METTL8: variants seen among roughly 807,000 people sequenced by gnomAD.
METTL8 encodes the protein tRNA N(3)-cytidine methyltransferase METTL8, mitochondrial.
In METTL8, 32 loss-of-function variants were observed where a neutral mutation model predicts 48.7. That is an observed-to-expected ratio of 0.66 (90% CI 0.50 to 0.88). The LOEUF (loss-of-function observed/expected upper bound fraction) is 0.88. METTL8 is among the 40% of genes least tolerant of loss of function. The pLI is 0.00. For missense variants in METTL8, 464 were observed against 474.4 expected (o/e 0.98, Z 0.20); for synonymous variants, 136 against 157.1 (o/e 0.87, Z 1.01).
chr2:171,336,930 C>A (rs186614684), intron 5 of METTL8, among the ~76,000 whole-genome samples: 1 of 129,456 alleles, frequency 7.7e-6, no homozygotes, highest in Admixed American at 9.4e-5. Flanking sequence ...AGTGCAATGG[C>A]GCAGTCGGGT....
intron 1 of METTL8, among the ~76,000 whole-genome samples, chr2:171,404,599 A>G (rs1559184769): frequency 6.6e-6 from 1 of 152,150 alleles, no homozygotes; most frequent in Non-Finnish European, 1.5e-5. Context: ...TTTTCAGACT[A>G]TGGTTGACAG....
chr2:171,411,518 A>T (rs1690746073), intron 1 of METTL8, among the ~76,000 whole-genome samples: 1 of 152,238 alleles, frequency 6.6e-6, no homozygotes, highest in East Asian at 1.9e-4. Context: ...AACGAGTTAG[A>T]ATACATATAT....
intron 2 of METTL8, among the ~76,000 whole-genome samples, chr2:171,382,467 C>T (rs930739252): frequency 5.3e-5 from 8 of 152,138 alleles, no homozygotes; most frequent in African/African-American, 1.7e-4. Flanking sequence ...GAAAACCAAA[C>T]ACTGCATGTT....
intron 1 of METTL8, among the ~76,000 whole-genome samples, chr2:171,398,918 G>A (rs775569787): frequency 2.0e-5 from 3 of 152,276 alleles, no homozygotes; most frequent in East Asian, 1.9e-4. Flanking sequence ...AATGGATGAA[G>A]TATGAAGAAG....
intron 3 of METTL8, among the ~76,000 whole-genome samples, chr2:171,349,295 G>C (rs529258595): frequency 6.6e-6 from 1 of 152,264 alleles, no homozygotes; most frequent in African/African-American, 2.4e-5. Context: ...GTAGGATTAA[G>C]AGGCAATTGT....
At chr2:171,430,187 G>A (rs982681947) in intron 1 of METTL8, among the ~76,000 whole-genome samples, 31 of 151,910 alleles carry the variant, frequency 2.0e-4, no homozygotes, top group Admixed American at 5.2e-4. Flanking sequence ...GTGAAACCCC[G>A]TCTCTACTAA....
At chr2:171,379,610 G>C (rs1051658754) in intron 2 of METTL8, among the ~76,000 whole-genome samples, 12 of 152,158 alleles carry the variant, frequency 7.9e-5, no homozygotes, top group Non-Finnish European at 1.2e-4. Context: ...TACCATCAGA[G>C]AGTACTATAA....
intron 6 of METTL8, among the ~76,000 whole-genome samples, chr2:171,331,034 C>A (rs755632233): frequency 6.6e-6 from 1 of 152,122 alleles, no homozygotes; most frequent in Non-Finnish European, 1.5e-5. Context: ...GTTTGGACTA[C>A]GATTATTCAT....
chr2:171,324,013 A>G lies in METTL8; in HGVS notation c.*159T>C, dbSNP rs745401155. 2.8e-5 allele frequency: 17 copies of G among 604,710 alleles called. No individual in the cohort carries two copies. The highest frequency in any genetic ancestry group is 4.8e-5 in the Non-Finnish European group (17 of 352,470). The allele number at this position is 604,710 out of a possible 1,614,324, so 37.5% of individuals were successfully genotyped here. ...AAAGGCATACTGTGCTGAACCACTT[A>G]CATGTGCTTAAAATGCACAAAGGAG... On this transcript the variant is annotated 3_prime_UTR_variant, in exon 10 of 10. Coordinates refer to ENST00000375258, the MANE Select transcript of METTL8 (RefSeq NM_001321154.2).
At chr2:171,375,830 T>A (rs1303909074) in intron 2 of METTL8, among the ~76,000 whole-genome samples, 1 of 152,232 alleles carries the variant, frequency 6.6e-6, no homozygotes, top group Non-Finnish European at 1.5e-5. Context: ...TGATTCTGTT[T>A]ATACAAAATA....
intron 2 of METTL8, among the ~76,000 whole-genome samples, chr2:171,366,908 A>C (rs1239598842): frequency 2.0e-5 from 3 of 151,020 alleles, no homozygotes; most frequent in Non-Finnish European, 1.5e-5. Flanking sequence ...AAAAAAAAAA[A>C]CTGGGAGGGT....
At chr2:171,379,417 A>G (rs953351910) in intron 2 of METTL8, among the ~76,000 whole-genome samples, 1 of 152,062 alleles carries the variant, frequency 6.6e-6, no homozygotes, top group African/African-American at 2.4e-5. Context: ...CCAGAGCAGA[A>G]CTGAAGGAGA....
At chr2:171,405,747 A>G (rs960284656) in intron 1 of METTL8, among the ~76,000 whole-genome samples, 1 of 152,204 alleles carries the variant, frequency 6.6e-6, no homozygotes, top group African/African-American at 2.4e-5. Context: ...AGAAAGGGGA[A>G]ATAAGTACAC....
At chr2:171,347,785 C>T (rs185950054) in intron 3 of METTL8, among the ~76,000 whole-genome samples, 26 of 152,306 alleles carry the variant, frequency 1.7e-4, no homozygotes, top group African/African-American at 5.5e-4. Context: ...GCAATATTGG[C>T]TGATTTGTAA....
chr2:171,377,148 A>G (rs1687054888), intron 2 of METTL8, among the ~76,000 whole-genome samples: 1 of 152,172 alleles, frequency 6.6e-6, no homozygotes, highest in Non-Finnish European at 1.5e-5. Context: ...GCCACATAAC[A>G]GAAGAATGAA....
chr2:171,424,371 C>T (rs1157660701), intron 1 of METTL8, among the ~76,000 whole-genome samples: 1 of 152,106 alleles, frequency 6.6e-6, no homozygotes, highest in Non-Finnish European at 1.5e-5. Flanking sequence ...ACTGTAGATC[C>T]ACTGACAGCT....
intron 3 of METTL8, among the ~76,000 whole-genome samples, chr2:171,342,888 A>G (rs904668353): frequency 6.6e-6 from 1 of 152,202 alleles, no homozygotes; most frequent in Non-Finnish European, 1.5e-5. Context: ...AAAGATGTGC[A>G]TAGCGGCCAG....
At chr2:171,422,583 C>T (rs371044781) in intron 1 of METTL8, among the ~76,000 whole-genome samples, 19 of 152,090 alleles carry the variant, frequency 1.2e-4, no homozygotes, top group South Asian at 1.0e-3. Context: ...AGAATTGTTA[C>T]GGAGAAACAT....
At chr2:171,382,245 A>G (rs1468595862) in intron 2 of METTL8, among the ~76,000 whole-genome samples, 1 of 152,204 alleles carries the variant, frequency 6.6e-6, no homozygotes, top group Non-Finnish European at 1.5e-5. Context: ...CTCTAAAGAC[A>G]CATGCACACA....
Sources: allele counts gnomAD v4.1 joint callset (sites outside exome capture counted in the v4.1 genomes callset), GRCh38; gene constraint gnomAD v4.1.1; transcripts MANE v1.5; gene names NCBI Gene and HGNC (gene_info 2026-07-23, HGNC 2026-07-21).